ZNF723: variants seen among roughly 807,000 people sequenced by gnomAD.
The protein encoded by ZNF723 is zinc finger protein 723.
In ZNF723, 5 loss-of-function variants were observed where a neutral mutation model predicts 9.4. The observed-to-expected ratio is 0.53, with a 90% CI of 0.28 to 1.12. The LOEUF (loss-of-function observed/expected upper bound fraction) is 1.12, where lower values mean the gene tolerates loss of function less well. Ranked by LOEUF, ZNF723 falls within the 50% of genes most tolerant of loss-of-function variation. The pLI, the probability that ZNF723 is intolerant of heterozygous loss-of-function variation, is 0.10. For synonymous variants in ZNF723, 158 were observed against 168.8 expected, an observed-to-expected ratio of 0.94 and a Z score of 0.49; for missense variants, 450 against 501.5, an observed-to-expected ratio of 0.90 and a Z score of 0.98.
At chr19:22,834,345 C>G (rs561649518) in intron 1 of ZNF723, among the ~76,000 whole-genome samples, 4 of 152,168 alleles carry the variant, frequency 2.6e-5, no homozygotes, top group Middle Eastern at 3.4e-3. Flanking sequence ...GAATAATCCC[C>G]TTGCAATGTA....
At chr19:22,837,096 G>A (rs761002945) in intron 1 of ZNF723, among the ~76,000 whole-genome samples, 11 of 151,720 alleles carry the variant, frequency 7.3e-5, no homozygotes, top group Non-Finnish European at 1.3e-4. Flanking sequence ...AATTCAAGAC[G>A]AGCCTGGCCA....
intron 1 of ZNF723, among the ~76,000 whole-genome samples, chr19:22,844,282 C>CAA (rs35493936): frequency 6.6e-6 from 1 of 151,782 alleles, no homozygotes; most frequent in Non-Finnish European, 1.5e-5. Flanking sequence ...ACTAGTCACA[C>CAA]AAAAAAAATA....
chr19:22,846,094 G>C (rs1057398906), intron 1 of ZNF723, among the ~76,000 whole-genome samples: 2 of 150,776 alleles, frequency 1.3e-5, no homozygotes, highest in African/African-American at 2.4e-5. Context: ...CCTTTTCTAA[G>C]TTCTCCACAT....
At position 22,843,825 on chromosome 19, in the gene ZNF723, T is replaced by G. The variant is rs909320179; in HGVS notation, c.4-4436T>G. ...CCCTAGAGAACCTTAAGACATTTAT[T>G]TAAATTGCTTATTAGTATGCATTAT... On this transcript the variant is annotated intron_variant, in intron 1 of 3. Transcript: ENST00000600766. Among the ~76,000 whole-genome samples the G allele has an allele frequency of 1.3e-5, 2 of 152,174 alleles. 1 individual carries two copies. Among genetic ancestry groups the G allele is most frequent in the Non-Finnish European group, 2.9e-5 (2 of 68,036 alleles).
chr19:22,858,010 ATG>A lies in ZNF723; in HGVS notation c.1122_1123del (p.Cys374TrpfsTer5). ...TGEKPYKCEE[C>X]GKAFKVSVHL... Reference sequence around the variant, plus strand: ...GAGAGAAACCCTACAAATGTGAAGAATGTGGCAAAGCTTTTAAAGTATCTGTA... The same window carrying A: ...GAGAGAAACCCTACAAATGTGAAGAATGGCAAAGCTTTTAAAGTATCTGTA... On this transcript the variant is annotated frameshift_variant, in exon 4 of 4. Coordinates refer to ENST00000600766, the MANE Select transcript of ZNF723 (RefSeq NM_001349726.2). LOFTEE classifies it low-confidence loss of function (END_TRUNC). 1 of 1,544,766 alleles carries A rather than the reference ATG, an allele frequency of 6.5e-7. No homozygotes were observed. The highest frequency in any genetic ancestry group is 8.9e-7 in the Non-Finnish European group (1 of 1,118,048).
chr19:22,856,785 AAAAAAGAAT>A (rs1967485959), intron 3 of ZNF723, among the ~76,000 whole-genome samples: 2 of 152,186 alleles, frequency 1.3e-5, no homozygotes, highest in Admixed American at 1.3e-4. Context: ...CTTGTCTTTT[AAAAAAGAAT>A]TCAGGAGCTT....
chr19:22,857,489 T>C lies in ZNF723; in HGVS notation c.598T>C (p.Cys200Arg). 1 of 1,145,530 alleles carries C rather than the reference T, an allele frequency of 8.7e-7. No homozygotes were observed. Among genetic ancestry groups the C allele is most frequent in the Non-Finnish European group, 1.3e-6 (1 of 757,924 alleles). The allele number at this position is 1,145,530 out of a possible 1,614,324, so 71.0% of individuals were successfully genotyped here. A position where few individuals can be genotyped will look rare whatever the true frequency, so the allele number is the denominator to read the frequency against. The change falls in exon 4 of 4, where the codon TGT becomes CGT. Residue 200 changes from cysteine to arginine, a missense_variant. Physicochemically the swap from Cys to Arg is radical, Grantham distance 180. Transcript: ENST00000600766. ...KHERNHTRVNCYKCEECGKAF... is the reference protein window; with the variant it reads ...KHERNHTRVNRYKCEECGKAF... ...TGAAAGAAATCATACTAGAGTGAAT[T>C]GTTACAAATGTGAAGAATGTGGCAA...
At chr19:22,832,486 A>G (rs867492753) in intron 1 of ZNF723, 104 bp downstream of exon 1, 23 of 1,193,012 alleles carry the variant, frequency 1.9e-5, no homozygotes, top group South Asian at 2.4e-5. Flanking sequence ...CAGCCCCACA[A>G]TCTGCGCTCG....
chr19:22,812,967 T>G, the ZNF723 span, among the ~76,000 whole-genome samples: 1 of 151,708 alleles, frequency 6.6e-6, no homozygotes, highest in Admixed American at 6.6e-5. Flanking sequence ...TGTTTGTTTG[T>G]TTGTTTTTGT....
At position 22,858,522 on chromosome 19, in the gene ZNF723, C is replaced by T. The variant is rs8103911; in HGVS notation, c.*89C>T. 95,564 of 572,900 alleles carry T rather than the reference C, an allele frequency of 0.17. 8,548 individuals carry two copies. Among genetic ancestry groups the T allele is most frequent in the African/African-American group, 0.28 (14,988 of 53,358 alleles). 35.5% of individuals were successfully genotyped at this position (572,900 alleles called of 1,614,324 possible). ...GTAGCTTACGCCTGTAATCCCAGCA[C>T]TTTGGGAGGCCGAGGCGGGCAGATC... On this transcript the variant is annotated 3_prime_UTR_variant, in exon 4 of 4. Coordinates refer to ENST00000600766, the MANE Select transcript of ZNF723 (RefSeq NM_001349726.2).
chr19:22,812,890 C>G, the ZNF723 span, among the ~76,000 whole-genome samples: 1 of 152,164 alleles, frequency 6.6e-6, no homozygotes, highest in Non-Finnish European at 1.5e-5. Flanking sequence ...CCCTCGTAAA[C>G]GAATCAAGTG....
At chr19:22,838,276 G>A (rs762422677) in intron 1 of ZNF723, among the ~76,000 whole-genome samples, 1 of 152,076 alleles carries the variant, frequency 6.6e-6, no homozygotes, top group Non-Finnish European at 1.5e-5. Context: ...ACATGGAGCC[G>A]GGCACGGTGG....
At position 22,857,510 on chromosome 19, in the gene ZNF723, G is replaced by A. The variant is rs1967496286; in HGVS notation, c.619G>A (p.Gly207Ser). 1 of 1,209,164 alleles carries A rather than the reference G, an allele frequency of 8.3e-7. No homozygotes were observed. The highest frequency in any genetic ancestry group is 1.5e-5 in the African/African-American group (1 of 67,094). The allele number at this position is 1,209,164 out of a possible 1,614,324, so 74.9% of individuals were successfully genotyped here. Residue 207 changes from glycine to serine, a missense_variant, in exon 4 of 4, where the codon GGC (glycine) becomes AGC (serine). This residue lies in a region of ZNF723 where 237 missense variants were observed against 332.2 expected (regional missense o/e 0.71). Transcript: ENST00000600766. Reference protein sequence around the residue: ...RVNCYKCEECGKAFSVPSKLN... With the variant: ...RVNCYKCEECSKAFSVPSKLN... The stretch of plus-strand genomic sequence containing the variant: ...GAATTGTTACAAATGTGAAGAATGT[G>A]GCAAAGCCTTTAGTGTGCCCTCAAA...
At chr19:22,838,762 T>C (rs1967201514) in intron 1 of ZNF723, among the ~76,000 whole-genome samples, 1 of 152,022 alleles carries the variant, frequency 6.6e-6, no homozygotes, top group Non-Finnish European at 1.5e-5. Flanking sequence ...ATTATTATTT[T>C]TTGAGATGGA....
At chr19:22,853,470 T>C (rs1967426446) in intron 3 of ZNF723, among the ~76,000 whole-genome samples, 1 of 152,158 alleles carries the variant, frequency 6.6e-6, no homozygotes, top group African/African-American at 2.4e-5. Context: ...GAGTGTGCTG[T>C]TTAATTTTTA....
the ZNF723 span, among the ~76,000 whole-genome samples, chr19:22,819,747 T>C: frequency 5.9e-5 from 9 of 152,222 alleles, no homozygotes; most frequent in Admixed American, 3.3e-4. Context: ...TTGTAACATA[T>C]TGCTGAACCC....
chr19:22,850,742 TA>T (rs1348941000), intron 3 of ZNF723, among the ~76,000 whole-genome samples: 22 of 152,144 alleles, frequency 1.4e-4, no homozygotes, highest in Non-Finnish European at 2.8e-4. Context: ...AAGAGTTTAT[TA>T]TTTTTTTAGA....
the ZNF723 span, among the ~76,000 whole-genome samples, chr19:22,825,163 T>G: frequency 6.6e-6 from 1 of 152,168 alleles, no homozygotes; most frequent in Non-Finnish European, 1.5e-5. Flanking sequence ...ATTGTGACTC[T>G]CATATGTGGA....
the ZNF723 span, among the ~76,000 whole-genome samples, chr19:22,816,622 T>C: frequency 2.0e-5 from 3 of 152,260 alleles, no homozygotes; most frequent in Admixed American, 1.3e-4. Context: ...GCAGATTTAC[T>C]GTCCTGCCTG....
Sources: allele counts gnomAD v4.1 joint callset (sites outside exome capture counted in the v4.1 genomes callset), GRCh38; gene constraint gnomAD v4.1.1; regional missense constraint gnomAD v4.1.1; transcripts MANE v1.5; gene names NCBI Gene and HGNC (gene_info 2026-07-23, HGNC 2026-07-21).